Variants in DLD observed in about 807,000 individuals in gnomAD.
The protein encoded by DLD is dihydrolipoyl dehydrogenase, mitochondrial.
DLD carries 36 observed loss-of-function variants against 62.2 expected under a neutral mutation model. That is an observed-to-expected ratio of 0.58 (90% CI 0.44 to 0.76). The LOEUF is 0.76. Among genes scored for constraint, DLD ranks in the 30% least tolerant of loss-of-function variants. The pLI is 0.00. For synonymous variants in DLD, 204 were observed against 199.6 expected, an observed-to-expected ratio of 1.02 and a Z score of -0.19; for missense variants, 541 against 608.6, an observed-to-expected ratio of 0.89 and a Z score of 1.17.
intron 1 of DLD, among the ~76,000 whole-genome samples, chr7:107,892,393 T>A (rs1434836293): frequency 6.6e-6 from 1 of 152,186 alleles, no homozygotes; most frequent in Non-Finnish European, 1.5e-5. Context: ...AGTTGATGTC[T>A]CAGGAACATC....
rs1229240332 is a variant in DLD at position 107,918,961 on chromosome 7, ATG to A, written c.1375-47_1375-46del. 2.8e-6 allele frequency: 4 copies of A among 1,449,170 alleles called. No individual in the cohort carries two copies. In the African/African-American group the frequency reaches 4.2e-5, roughly 15 times the overall value. 89.8% of individuals were successfully genotyped at this position (1,449,170 alleles called of 1,614,324 possible). On this transcript the variant is annotated intron_variant, in intron 12 of 13. Transcript: ENST00000205402. The stretch of plus-strand genomic sequence containing the variant: ...CCTCAACAATTGCTATCCTATTAGC[ATG>A]TAGTTTTTGCCTTGGAAGCAAATTT...
intron 8 of DLD, 79 bp downstream of exon 8, chr7:107,906,447 T>TA (rs2032010295): frequency 4.6e-6 from 4 of 871,922 alleles, no homozygotes; most frequent in African/African-American, 1.7e-5. Flanking sequence ...ATTTTTTGTA[T>TA]AACATTACAG....
chr7:107,906,286 T>C lies in DLD; in HGVS notation c.602T>C (p.Val201Ala). 6.3e-7 allele frequency: 1 copy of C among 1,592,156 alleles called. No individual in the cohort carries two copies. The highest frequency in any genetic ancestry group is 1.1e-5 in the South Asian group (1 of 90,596). Residue 201 changes from valine (V) to alanine (A), a missense_variant, in exon 8 of 14, where the codon GTG (valine) becomes GCG (alanine). By Grantham distance (64) the Val-to-Ala change is moderately conservative. Transcript: ENST00000205402. ...PGITIDEDTI[V>A]SSTGALSLKK... Reference sequence around the variant, plus strand: ...TTACAGATAGATGAAGATACAATAGTGTCATCTACAGGTGCTTTATCTTTA... The same window carrying C: ...TTACAGATAGATGAAGATACAATAGCGTCATCTACAGGTGCTTTATCTTTA...
chr7:107,891,672 C>T (rs1343065669), intron 1 of DLD: 3 of 353,916 alleles, frequency 8.5e-6, no homozygotes, highest in African/African-American at 4.3e-5. Flanking sequence ...TTTTCTCATC[C>T]TAATTCTGAT....
At position 107,906,306 on chromosome 7, in the gene DLD, T is replaced by A; in HGVS notation, c.622T>A (p.Ser208Thr). The A allele has an allele frequency of 6.2e-7, 1 of 1,608,962 alleles. No individual in the cohort carries two copies. The highest frequency in any genetic ancestry group is 8.5e-7 in the Non-Finnish European group (1 of 1,175,380). The part of the protein sequence containing the change: ...DTIVSSTGAL[S>T]LKKVPEKMVV... ...AATAGTGTCATCTACAGGTGCTTTA[T>A]CTTTAAAAAAAGTTCCAGAAAAGAT... is the stretch of plus-strand genomic sequence containing the variant. The change falls in exon 8 of 14, where the codon TCT becomes ACT. Residue 208 changes from serine (S) to threonine (T), a missense_variant. Physicochemically the swap from Ser to Thr is moderately conservative, Grantham distance 58. Transcript: ENST00000205402.
At chr7:107,917,787 TCTTTC>T (rs1256900485) in intron 11 of DLD, 132 bp from the exon 12 acceptor site, 4 of 1,097,044 alleles carry the variant, frequency 3.6e-6, no homozygotes, top group East Asian at 4.9e-5. Flanking sequence ...AGTCTTCTGG[TCTTTC>T]CTTTCCTTCT....
In DLD at chr7:107,893,193, T is replaced by TA. The variant is rs2031632317; in HGVS notation, c.40-7_40-6insA. On this transcript the variant is annotated splice_polypyrimidine_tract_variant and splice_region_variant and intron_variant, in intron 1 of 13. Coordinates refer to ENST00000205402, the MANE Select transcript of DLD (RefSeq NM_000108.5). ...TCTTACATAATAGGGACATTTTCTT[T>TA]TTCTAGAGAGGCCATTTCAATCGAA... 6.2e-7 allele frequency: 1 copy of TA among 1,612,544 alleles called. No homozygotes were observed. The highest frequency in any genetic ancestry group is 1.7e-5 in the Admixed American group (1 of 59,912).
intron 2 of DLD, among the ~76,000 whole-genome samples, chr7:107,894,738 T>C (rs2031675243): frequency 1.3e-5 from 2 of 152,224 alleles, no homozygotes; most frequent in South Asian, 4.1e-4. Context: ...GGAATGAGGC[T>C]GAGTGTTCCA....
At chr7:107,918,477 G>C (rs187502475) in intron 12 of DLD, among the ~76,000 whole-genome samples, 3 of 152,206 alleles carry the variant, frequency 2.0e-5, no homozygotes, top group Admixed American at 2.0e-4. Flanking sequence ...GCATTTTAGG[G>C]CCTTTGTGCT....
At chr7:107,899,547 T>C (rs981736636) in intron 2 of DLD, among the ~76,000 whole-genome samples, 4 of 152,066 alleles carry the variant, frequency 2.6e-5, no homozygotes, top group Admixed American at 2.0e-4. Context: ...ATATCAGTGA[T>C]TAAAAGTATA....
intron 8 of DLD, 95 bp downstream of exon 8, chr7:107,906,463 T>C (rs2032010693): frequency 1.2e-6 from 1 of 804,078 alleles, no homozygotes; most frequent in African/African-American, 1.7e-5. Flanking sequence ...TACAGGCTGA[T>C]CAGCATTGAG....
At chr7:107,896,165 C>T (rs1325264460) in intron 2 of DLD, among the ~76,000 whole-genome samples, 1 of 152,202 alleles carries the variant, frequency 6.6e-6, no homozygotes, top group African/African-American at 2.4e-5. Context: ...CTTTATCTAA[C>T]AAGACACTGG....
At chr7:107,892,814 T>C (rs1054498069) in intron 1 of DLD, among the ~76,000 whole-genome samples, 7 of 152,278 alleles carry the variant, frequency 4.6e-5, no homozygotes, top group Admixed American at 3.9e-4. Flanking sequence ...TCCCAAAGTG[T>C]TGGCATTACA....
In DLD at chr7:107,917,390, T is replaced by C; in HGVS notation, c.1164T>C (p.Cys388=). ...AGGAVHIDYN[C]VPSVIYTHPE... ...GTGCTGTGCACATTGACTACAATTG[T>C]GTGCCATCAGTGATTTACACACACC... Residue 388 remains cysteine, a synonymous_variant, in exon 11 of 14, where the codon TGT becomes TGC. Transcript: ENST00000205402. 3 of 1,614,180 alleles carry C rather than the reference T, an allele frequency of 1.9e-6. No homozygotes were observed. The highest frequency in any genetic ancestry group is 2.5e-6 in the Non-Finnish European group (3 of 1,180,028).
chr7:107,904,538 T>G (rs930093709), intron 5 of DLD: 3 of 371,328 alleles, frequency 8.1e-6, no homozygotes, highest in Middle Eastern at 9.0e-4. Context: ...AATGTTAAGC[T>G]TCTGTATTTG....
chr7:107,902,884 T>C (rs1229266361), intron 4 of DLD, among the ~76,000 whole-genome samples: 1 of 152,212 alleles, frequency 6.6e-6, no homozygotes, highest in Non-Finnish European at 1.5e-5. Context: ...TAAGAGAAAC[T>C]GAATTGGTGT....
chr7:107,906,575 C>CAA (rs2032013954), intron 8 of DLD, among the ~76,000 whole-genome samples: 1 of 152,124 alleles, frequency 6.6e-6, no homozygotes, highest in African/African-American at 2.4e-5. Flanking sequence ...TTATTTTAGT[C>CAA]TGTTTCCTTG....
At chr7:107,918,709 T>C (rs2032329572) in intron 12 of DLD, among the ~76,000 whole-genome samples, 1 of 152,244 alleles carries the variant, frequency 6.6e-6, no homozygotes, top group African/African-American at 2.4e-5. Context: ...TTGTTATTTT[T>C]ACATCAGCTT....
At position 107,917,475 on chromosome 7, in the gene DLD, A is replaced by T; in HGVS notation, c.1236+13A>T. 2.5e-6 allele frequency: 4 copies of T among 1,614,034 alleles called. No individual in the cohort carries two copies. Among genetic ancestry groups the T allele is most frequent in the Non-Finnish European group, 3.4e-6 (4 of 1,179,922 alleles). ...GTTGAAAGAAGAGGTAAGTCTGAACATGGGTGGTTTTAAGCCAATGTGTGA... is the reference window on the plus strand; with the variant it reads ...GTTGAAAGAAGAGGTAAGTCTGAACTTGGGTGGTTTTAAGCCAATGTGTGA... On this transcript the variant is annotated intron_variant, in intron 11 of 13. Coordinates refer to ENST00000205402, the MANE Select transcript of DLD (RefSeq NM_000108.5).
Sources: allele counts gnomAD v4.1 joint callset (sites outside exome capture counted in the v4.1 genomes callset), GRCh38; gene constraint gnomAD v4.1.1; transcripts MANE v1.5; gene names NCBI Gene and HGNC (gene_info 2026-07-23, HGNC 2026-07-21).